Variants in GNAQ observed in about 807,000 individuals in gnomAD.
The protein encoded by GNAQ is G protein subunit alpha q, also known as guanine nucleotide-binding protein G(q) subunit alpha.
A neutral mutation model predicts 43.9 loss-of-function variants in GNAQ; 8 were observed. The observed-to-expected ratio is 0.18, with a 90% CI of 0.11 to 0.33. The LOEUF (loss-of-function observed/expected upper bound fraction) is 0.33. GNAQ is among the 10% of genes least tolerant of loss of function. The probability of loss-of-function intolerance (pLI) is 1.00; values close to 1 mark genes in which losing one functional copy is unlikely to be tolerated. For missense variants in GNAQ, 158 were observed against 450.8 expected (o/e 0.35, Z 5.88); for synonymous variants, 155 against 170.7 (o/e 0.91, Z 0.71).
At chr9:77,862,424 T>G (rs1296944195) in intron 2 of GNAQ, among the ~76,000 whole-genome samples, 1 of 152,204 alleles carries the variant, frequency 6.6e-6, no homozygotes, top group Non-Finnish European at 1.5e-5. Flanking sequence ...TTGACTTCTG[T>G]GCACATGCAG....
At chr9:77,909,708 A>G (rs75856810) in intron 2 of GNAQ, among the ~76,000 whole-genome samples, 9,628 of 152,036 alleles carry the variant, frequency 0.063, 343 homozygotes, top group African/African-American at 0.081. Flanking sequence ...CAACAACTGC[A>G]TATGCATCTT....
At chr9:77,722,309 A>G (rs1587882663) in intron 6 of GNAQ, among the ~76,000 whole-genome samples, 1 of 151,340 alleles carries the variant, frequency 6.6e-6, no homozygotes, top group South Asian at 2.1e-4. Flanking sequence ...GCTAATTTTT[A>G]TATTTTTAGT....
intron 5 of GNAQ, among the ~76,000 whole-genome samples, chr9:77,759,079 G>A (rs1825949516): frequency 2.0e-5 from 3 of 152,082 alleles, no homozygotes; most frequent in African/African-American, 7.2e-5. Flanking sequence ...AGTCTCTAAA[G>A]ACACAGTTTC....
intron 5 of GNAQ, among the ~76,000 whole-genome samples, chr9:77,765,203 T>C (rs1020007197): frequency 3.3e-5 from 5 of 152,096 alleles, no homozygotes; most frequent in African/African-American, 1.2e-4. Flanking sequence ...AAGGACATTC[T>C]CCATGCATTG....
At chr9:77,877,578 TTTTA>T (rs1292815842) in intron 2 of GNAQ, among the ~76,000 whole-genome samples, 5 of 152,158 alleles carry the variant, frequency 3.3e-5, no homozygotes, top group Non-Finnish European at 4.4e-5. Context: ...AAATTATGCT[TTTTA>T]TTTGAGGAGG....
rs764766010 is a variant in GNAQ at position 77,958,745 on chromosome 9, G to T, written c.137-36400C>A. ...GCAAATCCATGAAGCCATGGGTGCA[G>T]TACAGGGTAACAGGGAGCAGTACCG... On this transcript the variant is annotated intron_variant, in intron 1 of 6. Coordinates refer to ENST00000286548, the MANE Select transcript of GNAQ (RefSeq NM_002072.5). 9.7e-4 allele frequency among the ~76,000 whole-genome samples: 148 copies of T among 152,168 alleles called. 5 individuals are homozygous for T. Among genetic ancestry groups the T allele is most frequent in the Non-Finnish European group, 3.5e-4 (24 of 68,026 alleles).
chr9:77,875,962 C>A (rs1828118553), intron 2 of GNAQ, among the ~76,000 whole-genome samples: 1 of 152,164 alleles, frequency 6.6e-6, no homozygotes, highest in Non-Finnish European at 1.5e-5. Flanking sequence ...TTCCCCAAAT[C>A]CAGTTGCCCA....
At chr9:77,764,561 T>C (rs1826103043) in intron 5 of GNAQ, among the ~76,000 whole-genome samples, 1 of 152,056 alleles carries the variant, frequency 6.6e-6, no homozygotes, top group African/African-American at 2.4e-5. Flanking sequence ...GTTCACGCTA[T>C]TCTCCTGCCT....
chr9:77,975,843 C>T (rs1353540976), intron 1 of GNAQ, among the ~76,000 whole-genome samples: 2 of 152,004 alleles, frequency 1.3e-5, no homozygotes, highest in Non-Finnish European at 2.9e-5. Flanking sequence ...GCCCCGTTAT[C>T]GGCCTTTTAA....
At chr9:77,938,141 A>G (rs978612579) in intron 1 of GNAQ, among the ~76,000 whole-genome samples, 1 of 152,188 alleles carries the variant, frequency 6.6e-6, no homozygotes, top group Non-Finnish European at 1.5e-5. Context: ...TACATTACTT[A>G]TAATACCTGA....
intron 2 of GNAQ, among the ~76,000 whole-genome samples, chr9:77,873,499 T>G (rs1326059304): frequency 6.6e-6 from 1 of 152,160 alleles, no homozygotes; most frequent in Non-Finnish European, 1.5e-5. Flanking sequence ...CTGTAAACAA[T>G]GTATTTAGGC....
intron 1 of GNAQ, among the ~76,000 whole-genome samples, chr9:77,949,903 T>A (rs958607895): frequency 6.6e-6 from 1 of 152,154 alleles, no homozygotes; most frequent in African/African-American, 2.4e-5. Context: ...TTGTCTTGAA[T>A]CCTTGGAAGA....
rs116137192 is a variant in GNAQ, at chr9:77,790,229, A to G, written c.735+4234T>C. On this transcript the variant is annotated intron_variant, in intron 5 of 6. Transcript: ENST00000286548. Reference sequence around the variant, plus strand: ...TTAACCTAAGCTTTTACTTTTAACTACTTATAAATGTTCTTTAGGTCTTTC... The same window carrying G: ...TTAACCTAAGCTTTTACTTTTAACTGCTTATAAATGTTCTTTAGGTCTTTC... Among the ~76,000 whole-genome samples, 611 of 152,312 alleles carry G rather than the reference A, an allele frequency of 4.0e-3. 4 individuals are homozygous for G. The highest frequency in any genetic ancestry group is 0.014 in the African/African-American group (585 of 41,570).
chr9:77,891,670 C>T (rs1564142814), intron 2 of GNAQ, among the ~76,000 whole-genome samples: 2 of 152,172 alleles, frequency 1.3e-5, no homozygotes, highest in Non-Finnish European at 2.9e-5. Context: ...TTCCATTTTG[C>T]TTGCCCTATT....
chr9:77,772,183 T>C (rs143517766), intron 5 of GNAQ, among the ~76,000 whole-genome samples: 4 of 152,338 alleles, frequency 2.6e-5, no homozygotes, highest in African/African-American at 9.6e-5. Context: ...GTAAATATAA[T>C]GGAAACGAAA....
chr9:77,731,270 G>A (rs1248129072), intron 5 of GNAQ, among the ~76,000 whole-genome samples: 1 of 152,136 alleles, frequency 6.6e-6, no homozygotes, highest in Non-Finnish European at 1.5e-5. Context: ...ATAGAAGAAG[G>A]TGTACCATGT....
chr9:77,973,538 C>T (rs909873310), intron 1 of GNAQ, among the ~76,000 whole-genome samples: 5 of 152,086 alleles, frequency 3.3e-5, no homozygotes, highest in African/African-American at 4.8e-5. Context: ...AAGCAATGGC[C>T]GGGTGCAGTG....
chr9:77,905,757 C>T (rs187610027), intron 2 of GNAQ, among the ~76,000 whole-genome samples: 4 of 152,272 alleles, frequency 2.6e-5, no homozygotes, highest in East Asian at 3.9e-4. Context: ...CCAGCACTTA[C>T]GGAAACATTT....
At chr9:77,779,799 T>A (rs1434901835) in intron 5 of GNAQ, among the ~76,000 whole-genome samples, 1 of 151,224 alleles carries the variant, frequency 6.6e-6, no homozygotes, top group East Asian at 1.9e-4. Context: ...AAAAACTCTA[T>A]GCCCAAAATT....
Sources: gnomAD v4.1 joint callset for allele counts (sites outside exome capture counted in the v4.1 genomes callset) on GRCh38, gnomAD v4.1.1 for gene constraint, MANE v1.5 for transcripts, NCBI Gene and HGNC (gene_info 2026-07-23, HGNC 2026-07-21) for gene names.